BMP2K: variants seen among roughly 807,000 people sequenced by gnomAD.
BMP2K encodes BMP2 inducible kinase, also known as BMP-2-inducible protein kinase.
In BMP2K, 74 loss-of-function variants were observed where a neutral mutation model predicts 116.0. That is an observed-to-expected ratio of 0.64 (90% CI 0.53 to 0.77). The LOEUF (loss-of-function observed/expected upper bound fraction) is 0.77. BMP2K is among the 30% of genes least tolerant of loss of function. The pLI is 0.00. For synonymous variants in BMP2K, 486 were observed against 502.5 expected (o/e 0.97, Z 0.44); for missense variants, 1,365 against 1,403.6 (o/e 0.97, Z 0.44).
Position 78,913,420 on chromosome 4 carries a change from G to A in BMP2K, c.*1387G>A, listed in dbSNP as rs1304694564. ...ATAGAGATTACATATGTGAATTAAT[G>A]TGAATATAGTATCTGTGCTTCCTGT... is the stretch of plus-strand genomic sequence containing the variant. On this transcript the variant is annotated 3_prime_UTR_variant, in exon 16 of 16. Transcript: ENST00000502613. The A allele has an allele frequency of 6.6e-6, 1 of 152,148 alleles. No homozygotes were observed. The highest frequency in any genetic ancestry group is 1.5e-5 in the Non-Finnish European group (1 of 67,978). 9.4% of individuals were successfully genotyped at this position (152,148 alleles called of 1,614,324 possible).
intron 1 of BMP2K, among the ~76,000 whole-genome samples, chr4:78,802,411 A>G (rs1728607820): frequency 6.6e-6 from 1 of 152,172 alleles, no homozygotes. Flanking sequence ...TGAACCTGTA[A>G]TCTGCCACGT....
chr4:78,873,654 A>G (rs992628888), intron 13 of BMP2K, among the ~76,000 whole-genome samples: 2 of 129,430 alleles, frequency 1.5e-5, no homozygotes, highest in Non-Finnish European at 3.3e-5. Context: ...ATGCCTCCCA[A>G]CCTCTGTGTG....
At chr4:78,818,550 C>G (rs183314694) in intron 1 of BMP2K, among the ~76,000 whole-genome samples, 17 of 152,294 alleles carry the variant, frequency 1.1e-4, no homozygotes, top group Non-Finnish European at 1.9e-4. Context: ...CATTTAACAC[C>G]TCACATTTCC....
intron 2 of BMP2K, among the ~76,000 whole-genome samples, chr4:78,829,787 T>TCTCTTCTCTTCTCTTCTC (rs1730089748): frequency 9.2e-5 from 8 of 86,592 alleles, no homozygotes; most frequent in South Asian, 4.6e-4. Flanking sequence ...TTTCTTTTCT[T>TCTCTTCTCTTCTCTTCTC]TTCTCTTCTC....
chr4:78,850,594 G>C (rs1410328471), intron 6 of BMP2K, among the ~76,000 whole-genome samples: 1 of 151,796 alleles, frequency 6.6e-6, no homozygotes, highest in African/African-American at 2.4e-5. Flanking sequence ...TTTATACTTT[G>C]TTGGTTATAT....
chr4:78,861,712 G>A (rs969913377), intron 9 of BMP2K, among the ~76,000 whole-genome samples: 1 of 151,930 alleles, frequency 6.6e-6, no homozygotes, highest in Non-Finnish European at 1.5e-5. Context: ...AACTGATGAT[G>A]TGACAGCGGG....
At chr4:78,877,630 G>T (rs560601439) in intron 13 of BMP2K, among the ~76,000 whole-genome samples, 1 of 152,162 alleles carries the variant, frequency 6.6e-6, no homozygotes, top group South Asian at 2.1e-4. Flanking sequence ...TTTTACAGTC[G>T]ACTTTAAATA....
intron 15 of BMP2K, among the ~76,000 whole-genome samples, chr4:78,892,185 A>G: frequency 6.6e-6 from 1 of 152,140 alleles, no homozygotes; most frequent in East Asian, 1.9e-4. Context: ...AAATATTTAG[A>G]ATTCACCTGT....
rs202054706 is a variant in BMP2K at position 78,836,416 on chromosome 4, C to CA, written c.403+2741dup. Among the ~76,000 whole-genome samples the CA allele has an allele frequency of 7.2e-3, 957 of 132,984 alleles. 2 individuals carry two copies. Among genetic ancestry groups the CA allele is most frequent in the Non-Finnish European group, 0.011 (669 of 61,416 alleles). The allele number at this position is 132,984 out of a possible 152,430, so 87.2% of individuals were successfully genotyped here. On this transcript the variant is annotated intron_variant, in intron 3 of 15. Coordinates refer to ENST00000502613, the MANE Select transcript of BMP2K (RefSeq NM_198892.2). The stretch of plus-strand genomic sequence containing the variant: ...TGGGCAACAGAGCGAGACTCTGTCT[C>CA]AAAAAAAAAAAAGAAGTAAAAATAA...
rs1202864365 is a variant in BMP2K, at chr4:78,776,427, G to T, written c.-117G>T. ...GAGCGCGGAATGTGAGGCTTGGCGG[G>T]CCGCAGCACGCTCGGACGGGCCAGG... On this transcript the variant is annotated 5_prime_UTR_variant, in exon 1 of 16. Coordinates refer to ENST00000502613, the MANE Select transcript of BMP2K (RefSeq NM_198892.2). The T allele has an allele frequency of 1.1e-4, 110 of 1,009,322 alleles. No individual in the cohort carries two copies. The highest frequency in any genetic ancestry group is 1.2e-4 in the Non-Finnish European group (100 of 827,040). The allele number at this position is 1,009,322 out of a possible 1,614,324, so 62.5% of individuals were successfully genotyped here. A position where few individuals can be genotyped will look rare whatever the true frequency, so the allele number is the denominator to read the frequency against.
At chr4:78,837,330 G>A (rs1730536612) in intron 3 of BMP2K, among the ~76,000 whole-genome samples, 1 of 152,068 alleles carries the variant, frequency 6.6e-6, no homozygotes, top group African/African-American at 2.4e-5. Flanking sequence ...GAGTAGCTGG[G>A]ATTACAGGTG....
chr4:78,811,471 C>A (rs1459710773), intron 1 of BMP2K, among the ~76,000 whole-genome samples: 1 of 152,142 alleles, frequency 6.6e-6, no homozygotes, highest in Non-Finnish European at 1.5e-5. Context: ...ACAAGTCTAT[C>A]TTATTAGAAT....
intron 1 of BMP2K, among the ~76,000 whole-genome samples, chr4:78,787,295 G>A (rs1241663744): frequency 1.3e-5 from 2 of 152,186 alleles, no homozygotes; most frequent in East Asian, 1.9e-4. Context: ...TGTTAATAAT[G>A]TAGTTCTAGC....
At chr4:78,868,265 T>A (rs1560536646) in intron 10 of BMP2K, among the ~76,000 whole-genome samples, 1 of 151,144 alleles carries the variant, frequency 6.6e-6, no homozygotes, top group African/African-American at 2.4e-5. Flanking sequence ...CAAGAGAAAA[T>A]GAGGAGGAAG....
intron 1 of BMP2K, among the ~76,000 whole-genome samples, chr4:78,805,918 C>T (rs991278127): frequency 6.6e-5 from 10 of 152,192 alleles, no homozygotes; most frequent in African/African-American, 2.4e-4. Context: ...TTGCGGTGAG[C>T]CAAGATTGCA....
Position 78,847,267 on chromosome 4 carries a change from T to C in BMP2K, c.748T>C (p.Trp250Arg). 6.3e-7 allele frequency: 1 copy of C among 1,583,634 alleles called. No individual in the cohort carries two copies. Among genetic ancestry groups the C allele is most frequent in the Non-Finnish European group, 8.6e-7 (1 of 1,164,850 alleles). The change falls in exon 6 of 16, where the codon TGG becomes CGG. Residue 250 changes from tryptophan (W) to arginine (R), a missense_variant and splice_region_variant. Coordinates refer to ENST00000502613, the MANE Select transcript of BMP2K (RefSeq NM_198892.2). ...GKPITTKADI[W>R]ALGCLLYKLC... The stretch of plus-strand genomic sequence containing the variant: ...ACCCATCACCACCAAGGCTGATATC[T>C]GGGTAAGGCCAAGAAAGGCTGGAAC...
intron 1 of BMP2K, among the ~76,000 whole-genome samples, chr4:78,796,164 G>T (rs1304741644): frequency 1.3e-5 from 2 of 152,036 alleles, no homozygotes; most frequent in African/African-American, 4.8e-5. Context: ...ATGATAGACT[G>T]GATTAAGAAA....
At chr4:78,830,437 G>T (rs1730154244) in intron 2 of BMP2K, among the ~76,000 whole-genome samples, 1 of 152,182 alleles carries the variant, frequency 6.6e-6, no homozygotes, top group South Asian at 2.1e-4. Context: ...GTAAGCATTG[G>T]TTTCAACTTA....
chr4:78,880,389 G>A (rs1478565013), intron 14 of BMP2K, among the ~76,000 whole-genome samples: 2 of 152,134 alleles, frequency 1.3e-5, no homozygotes, highest in African/African-American at 4.8e-5. Context: ...AGTTATGGAA[G>A]GGGTAGATAC....
Sources: gnomAD v4.1 joint callset for allele counts (sites outside exome capture counted in the v4.1 genomes callset) on GRCh38, gnomAD v4.1.1 for gene constraint, MANE v1.5 for transcripts, NCBI Gene and HGNC (gene_info 2026-07-23, HGNC 2026-07-21) for gene names.